Variants in ATP8B4 observed in about 807,000 individuals in gnomAD.
ATP8B4 encodes ATPase phospholipid transporting 8B4 (putative).
ATP8B4 carries 133 observed loss-of-function variants against 145.6 expected under a neutral mutation model. The observed-to-expected ratio is 0.91, with a 90% confidence interval of 0.79 to 1.05. The LOEUF (loss-of-function observed/expected upper bound fraction) is 1.05, where lower values mean the gene tolerates loss of function less well. ATP8B4 is among the 50% of genes least tolerant of loss of function. The pLI is 0.00. For missense variants in ATP8B4, 1,458 were observed against 1,425.2 expected (o/e 1.02, Z -0.37); for synonymous variants, 507 against 492.9 (o/e 1.03, Z -0.38).
rs373934302 is a variant in ATP8B4, at chr15:50,073,019, TACACACACACACACAC to T, written c.87+1092_87+1107del. ...ATATATATATATATATATATATATA[TACACACACACACACAC>T]ACACACACACACACACACTATACAT... is the stretch of plus-strand genomic sequence containing the variant. On this transcript the variant is annotated intron_variant, in intron 3 of 27. Coordinates refer to ENST00000284509, the MANE Select transcript of ATP8B4 (RefSeq NM_024837.4). 3.1e-4 allele frequency among the ~76,000 whole-genome samples: 10 copies of T among 32,458 alleles called. No homozygotes were observed. The East Asian group carries it at 7.6e-3, about 25-fold the overall frequency. 21.3% of individuals were successfully genotyped at this position (32,458 alleles called of 152,430 possible).
chr15:49,881,069 G>A (rs766636816), intron 23 of ATP8B4, among the ~76,000 whole-genome samples: 25 of 152,158 alleles, frequency 1.6e-4, no homozygotes, highest in Non-Finnish European at 2.5e-4. Flanking sequence ...CCAAGATCAC[G>A]CCACTGCACT....
intron 23 of ATP8B4, among the ~76,000 whole-genome samples, chr15:49,881,895 T>C (rs1210453806): frequency 2.6e-5 from 4 of 152,206 alleles, no homozygotes; most frequent in Admixed American, 1.3e-4. Context: ...CTTGTCAAGA[T>C]CAAGAAGAGA....
chr15:49,865,537 A>G (rs928040969), intron 26 of ATP8B4, among the ~76,000 whole-genome samples: 1 of 152,200 alleles, frequency 6.6e-6, no homozygotes, highest in Non-Finnish European at 1.5e-5. Flanking sequence ...GGGGGCAGTC[A>G]TGCGGAACTT....
Position 50,116,476 on chromosome 15 carries a change from G to A in ATP8B4, c.-43+2647C>T, listed in dbSNP as rs996148541. 2.6e-4 allele frequency among the ~76,000 whole-genome samples: 40 copies of A among 152,270 alleles called. 1 individual carries two copies. Among genetic ancestry groups the A allele is most frequent in the African/African-American group, 9.6e-4 (40 of 41,548 alleles). Reference sequence around the variant, plus strand: ...TAGTTTGAACATGTGGGCTTAAAATGCCTCTTGATCATTGAAAACATCCTC... The same window carrying A: ...TAGTTTGAACATGTGGGCTTAAAATACCTCTTGATCATTGAAAACATCCTC... On this transcript the variant is annotated intron_variant, in intron 1 of 27. Coordinates refer to ENST00000284509, the MANE Select transcript of ATP8B4 (RefSeq NM_024837.4).
chr15:50,090,866 G>A (rs976236198), intron 2 of ATP8B4, among the ~76,000 whole-genome samples: 1 of 151,992 alleles, frequency 6.6e-6, no homozygotes, highest in South Asian at 2.1e-4. Context: ...GGGATTACAG[G>A]TATGAGCCAC....
At chr15:50,117,573 A>T (rs2057192308) in intron 1 of ATP8B4, among the ~76,000 whole-genome samples, 1 of 152,214 alleles carries the variant, frequency 6.6e-6, no homozygotes, top group Non-Finnish European at 1.5e-5. Flanking sequence ...GGCACAATAT[A>T]GGTTAAAATA....
intron 10 of ATP8B4, among the ~76,000 whole-genome samples, chr15:49,985,164 G>A (rs567506291): frequency 6.6e-6 from 1 of 150,988 alleles, no homozygotes; most frequent in Non-Finnish European, 1.5e-5. Flanking sequence ...TGGTGCAATC[G>A]CAGCTCACTA....
chr15:50,004,736 A>T (rs1262834518), intron 7 of ATP8B4, among the ~76,000 whole-genome samples: 2 of 151,846 alleles, frequency 1.3e-5, no homozygotes, highest in South Asian at 4.2e-4. Context: ...TAACTTCCTC[A>T]AGGTTACACA....
intron 2 of ATP8B4, among the ~76,000 whole-genome samples, chr15:50,081,045 G>A (rs955590013): frequency 1.3e-5 from 2 of 151,704 alleles, no homozygotes; most frequent in African/African-American, 4.8e-5. Context: ...CCCGGGAGGC[G>A]GAGCTTGCAG....
At chr15:49,935,477 G>T (rs921926640) in intron 14 of ATP8B4, among the ~76,000 whole-genome samples, 2 of 152,064 alleles carry the variant, frequency 1.3e-5, no homozygotes, top group African/African-American at 4.8e-5. Context: ...AATAACGGCT[G>T]CCATATATCA....
chr15:49,887,880 T>C lies in ATP8B4; in HGVS notation c.2698-8421A>G, dbSNP rs575159256. Among the ~76,000 whole-genome samples, 27 of 152,306 alleles carry C rather than the reference T, an allele frequency of 1.8e-4. No homozygotes were observed. In the South Asian group the frequency reaches 5.6e-3, roughly 32 times the overall value. On this transcript the variant is annotated intron_variant, in intron 23 of 27. Coordinates refer to ENST00000284509, the MANE Select transcript of ATP8B4 (RefSeq NM_024837.4). ...TAGAATGACACATTTAAATAAACCTTAATAAAGTTCTTAAACAGCTGCAAA... is the reference window on the plus strand; with the variant it reads ...TAGAATGACACATTTAAATAAACCTCAATAAAGTTCTTAAACAGCTGCAAA...
chr15:50,068,667 G>T (rs891716046), intron 3 of ATP8B4, among the ~76,000 whole-genome samples: 2 of 152,116 alleles, frequency 1.3e-5, no homozygotes, highest in Non-Finnish European at 2.9e-5. Context: ...CTTTACTGAA[G>T]TTTCTGAGTT....
chr15:50,163,845 G>C (rs1369305253), intron 1 of ATP8B4, among the ~76,000 whole-genome samples: 1 of 152,160 alleles, frequency 6.6e-6, no homozygotes, highest in Non-Finnish European at 1.5e-5. Context: ...CAAGCTGCAA[G>C]ACAAAGTCCT....
rs764150508 is a variant in ATP8B4 at position 49,897,343 on chromosome 15, T to A, written c.2646A>T (p.Ala882=). 6.2e-7 allele frequency: 1 copy of A among 1,613,552 alleles called. No individual in the cohort carries two copies. The highest frequency in any genetic ancestry group is 1.1e-5 in the South Asian group (1 of 90,964). The change falls in exon 23 of 28, where the codon GCA becomes GCT. Residue 882 remains alanine (A), a synonymous_variant. Coordinates refer to ENST00000284509, the MANE Select transcript of ATP8B4 (RefSeq NM_024837.4). The part of the protein sequence containing the change: ...FLCYFFYKNF[A]FTLVHFWFGF... ...CAAACCAGAAATGCACAAGTGTAAA[T>A]GCAAAATTCTTATAGAAGAAATAGC...
At chr15:50,131,140 A>G (rs1351998194) in intron 1 of ATP8B4, among the ~76,000 whole-genome samples, 2 of 152,164 alleles carry the variant, frequency 1.3e-5, no homozygotes, top group African/African-American at 4.8e-5. Flanking sequence ...AACTGCCCCC[A>G]TGATTCAATT....
At chr15:50,172,317 A>AT (rs1237550417) in intron 1 of ATP8B4, among the ~76,000 whole-genome samples, 1 of 152,126 alleles carries the variant, frequency 6.6e-6, no homozygotes, top group Non-Finnish European at 1.5e-5. Context: ...TGGTTTTCGT[A>AT]TTTTTTGGTG....
intron 1 of ATP8B4, among the ~76,000 whole-genome samples, chr15:50,141,061 T>C (rs2044201135): frequency 6.6e-6 from 1 of 152,152 alleles, no homozygotes; most frequent in African/African-American, 2.4e-5. Flanking sequence ...GACTCTGGTA[T>C]GCTCTTGACC....
intron 23 of ATP8B4, chr15:49,894,912 T>A (rs1444460461): frequency 1.3e-5 from 2 of 152,222 alleles, no homozygotes; most frequent in Non-Finnish European, 2.9e-5. Context: ...ATTCAAGATT[T>A]TATTACAGAT....
intron 20 of ATP8B4, chr15:49,908,049 T>C (rs867108738): frequency 1.8e-5 from 8 of 455,986 alleles, no homozygotes; most frequent in Admixed American, 1.4e-4. Flanking sequence ...ACTTACCCTC[T>C]ATATACTTCG....
Sources: gnomAD v4.1 joint callset for allele counts (sites outside exome capture counted in the v4.1 genomes callset) on GRCh38, gnomAD v4.1.1 for gene constraint, MANE v1.5 for transcripts, NCBI Gene and HGNC (gene_info 2026-07-23, HGNC 2026-07-21) for gene names.